NDRG4: variants seen among roughly 807,000 people sequenced by gnomAD.
The protein encoded by NDRG4 is NDRG family member 4, also known as protein NDRG4.
NDRG4 carries 38 observed loss-of-function variants against 55.8 expected under a neutral mutation model. The ratio of observed to expected loss-of-function variants is 0.68; its 90% CI spans 0.53 to 0.89. NDRG4 has a LOEUF of 0.89. Among genes scored for constraint, NDRG4 ranks in the 40% least tolerant of loss-of-function variants. NDRG4 has a pLI of 0.00. For missense variants in NDRG4, 455 were observed against 468.6 expected (o/e 0.97, Z 0.27); for synonymous variants, 190 against 182.7 (o/e 1.04, Z -0.32).
intron 13 of NDRG4, 61 bp downstream of exon 13, chr16:58,509,413 G>C: frequency 1.3e-6 from 2 of 1,574,650 alleles, no homozygotes; most frequent in Non-Finnish European, 1.7e-6. Context: ...CAGTGCTGGG[G>C]TTGGGGCTCC....
At chr16:58,468,867 T>C (rs2032247847) in intron 1 of NDRG4, among the ~76,000 whole-genome samples, 2 of 152,114 alleles carry the variant, frequency 1.3e-5, no homozygotes, top group South Asian at 4.1e-4. Flanking sequence ...GTGTGATATG[T>C]GAAAGTGGGA....
intron 1 of NDRG4, among the ~76,000 whole-genome samples, chr16:58,474,028 C>CTTTTT (rs1168834628): frequency 1.2e-4 from 12 of 101,170 alleles, no homozygotes; most frequent in Non-Finnish European, 1.5e-4. Flanking sequence ...TTTTCTTTCC[C>CTTTTT]TTTTTTTTTT....
intron 1 of NDRG4, among the ~76,000 whole-genome samples, chr16:58,480,762 A>G (rs2034289294): frequency 6.6e-6 from 1 of 152,150 alleles, no homozygotes; most frequent in African/African-American, 2.4e-5. Flanking sequence ...CAGTAGGGAG[A>G]TTAAACCACT....
At chr16:58,482,604 A>AT (rs545809105) in intron 1 of NDRG4, among the ~76,000 whole-genome samples, 10 of 150,906 alleles carry the variant, frequency 6.6e-5, no homozygotes, top group African/African-American at 2.0e-4. Flanking sequence ...ATGTATTTTC[A>AT]TTTTTTTTCT....
At chr16:58,514,923 T>C (rs1231280458), downstream of NDRG4, among the ~76,000 whole-genome samples, 1 of 152,120 alleles carries the variant, frequency 6.6e-6, no homozygotes, top group Non-Finnish European at 1.5e-5. Context: ...ATTTACCCAA[T>C]AGGTAGATAT....
chr16:58,501,726 A>C (rs992774863), intron 1 of NDRG4: 1 of 285,122 alleles, frequency 3.5e-6, no homozygotes, highest in Non-Finnish European at 7.2e-6. Context: ...CCATCCTGGG[A>C]GATGAGCCCT....
chr16:58,469,412 C>G (rs2151555619), intron 1 of NDRG4, among the ~76,000 whole-genome samples: 1 of 152,102 alleles, frequency 6.6e-6, no homozygotes, highest in South Asian at 2.1e-4. Context: ...TGCTGTTCCT[C>G]TGGGTAGAGG....
intron 2 of NDRG4, among the ~76,000 whole-genome samples, chr16:58,489,927 C>T (rs2035574058): frequency 1.3e-5 from 2 of 152,186 alleles, no homozygotes; most frequent in African/African-American, 2.4e-5. Flanking sequence ...CCACTGCAGC[C>T]TCAACTTCCT....
chr16:58,500,951 G>A (rs749676536), intron 1 of NDRG4: 242 of 1,209,540 alleles, frequency 2.0e-4, no homozygotes, highest in Non-Finnish European at 1.9e-4. Context: ...TGCTGGGGAG[G>A]AACGAGGAGG....
chr16:58,487,291 C>T (rs1024793510), intron 1 of NDRG4, among the ~76,000 whole-genome samples: 9 of 152,168 alleles, frequency 5.9e-5, no homozygotes, highest in African/African-American at 1.7e-4. Context: ...GAGACCAAGA[C>T]GGGTGGATCA....
chr16:58,505,419 C>CAA (rs374142391), intron 5 of NDRG4, among the ~76,000 whole-genome samples: 899 of 81,878 alleles, frequency 0.011, 6 homozygotes, highest in Admixed American at 0.021. Context: ...TAAAAACAAG[C>CAA]AAAAAAAAAA....
chr16:58,510,591 T>G (rs1259981557), intron 13 of NDRG4, 54 bp from the exon 14 acceptor site: 2 of 1,458,570 alleles, frequency 1.4e-6, no homozygotes, highest in Non-Finnish European at 1.9e-6. Flanking sequence ...CGCTCTTCAC[T>G]GTGTTGTGTC....
At chr16:58,497,668 A>C (rs1171047784), upstream of NDRG4, among the ~76,000 whole-genome samples, 12 of 152,330 alleles carry the variant, frequency 7.9e-5, no homozygotes, top group Non-Finnish European at 1.5e-5. Context: ...CACACAGCAA[A>C]GAAGTGGCAG....
chr16:58,507,873 C>T lies in NDRG4; in HGVS notation c.677+9C>T. 6.2e-7 allele frequency: 1 copy of T among 1,614,032 alleles called. No individual in the cohort carries two copies. The highest frequency in any genetic ancestry group is 8.5e-7 in the Non-Finnish European group (1 of 1,179,984). On this transcript the variant is annotated intron_variant, in intron 9 of 14. Transcript: ENST00000570248. ...AATGCCAAGACGCTCCGGTGAGTGG[C>T]CCCTGGCCCTCTGGCCTGCCCTGGC...
At position 58,464,824 on chromosome 16, in the gene NDRG4, C is replaced by A; in HGVS notation, c.-24+1027C>A. 1.6e-6 allele frequency: 2 copies of A among 1,251,368 alleles called. No individual in the cohort carries two copies. The highest frequency in any genetic ancestry group is 2.0e-6 in the Non-Finnish European group (2 of 992,200). The allele number at this position is 1,251,368 out of a possible 1,614,324, so 77.5% of individuals were successfully genotyped here. A position where few individuals can be genotyped will look rare whatever the true frequency, so the allele number is the denominator to read the frequency against. On this transcript the variant is annotated intron_variant, in intron 1 of 15. Coordinates refer to the NDRG4 transcript ENST00000258187. The surrounding 1 kb of genome is among the most constrained non-coding windows in gnomAD (Gnocchi z 4.8). ...AAGGACCCGTGGGCTTCTGGCAGGA[C>A]CCGCGCCATGGACCTCTTATTTCTG...
At position 58,464,598 on chromosome 16, in the gene NDRG4, T is replaced by G; in HGVS notation, c.-24+801T>G. On this transcript the variant is annotated intron_variant, in intron 1 of 15. Coordinates refer to the NDRG4 transcript ENST00000258187. This position sits in a 1 kb window ranked among gnomAD's most constrained non-coding sequence, Gnocchi z 4.8. ...GCGGACCCCAACTAAGTCCTAGTTTTGTGCTACCTGTTTGTGTGCGGAGCC... is the reference window on the plus strand; with the variant it reads ...GCGGACCCCAACTAAGTCCTAGTTTGGTGCTACCTGTTTGTGTGCGGAGCC... The G allele has an allele frequency of 1.0e-6, 1 of 984,320 alleles. No individual in the cohort carries two copies. Among genetic ancestry groups the G allele is most frequent in the Non-Finnish European group, 1.3e-6 (1 of 746,106 alleles). The allele number at this position is 984,320 out of a possible 1,614,324, so 61.0% of individuals were successfully genotyped here. A position where few individuals can be genotyped will look rare whatever the true frequency, so the allele number is the denominator to read the frequency against.
chr16:58,479,102 C>T (rs2034093924), intron 1 of NDRG4, among the ~76,000 whole-genome samples: 1 of 152,076 alleles, frequency 6.6e-6, no homozygotes, highest in African/African-American at 2.4e-5. Flanking sequence ...GATCTCGGCT[C>T]ACTGCAATCT....
Position 58,511,557 on chromosome 16 carries a change from C to A in NDRG4, c.1040C>A (p.Thr347Asn), listed in dbSNP as rs761224936. Residue 347 changes from threonine (T) to asparagine (N), a missense_variant, in exon 15 of 15, where the codon ACC becomes AAC. Physicochemically the swap from Thr to Asn is moderately conservative, Grantham distance 65. Transcript: ENST00000570248. ...SSEGLGQVNH[T>N]MEVSC ...GAGGGGCTGGGCCAGGTCAACCACA[C>A]CATGGAGGTGTCCTGTTGAAGCCCT... 1 of 1,613,070 alleles carries A rather than the reference C, an allele frequency of 6.2e-7. No individual in the cohort carries two copies. Among genetic ancestry groups the A allele is most frequent in the South Asian group, 1.1e-5 (1 of 91,088 alleles).
upstream of NDRG4, chr16:58,499,892 A>G (rs2036851367): frequency 2.4e-6 from 1 of 419,460 alleles, no homozygotes; most frequent in South Asian, 2.1e-5. Flanking sequence ...GCGTGTGCCT[A>G]TGTGCTGGGG....
Sources: gnomAD v4.1 joint callset for allele counts (sites outside exome capture counted in the v4.1 genomes callset) on GRCh38, gnomAD v4.1.1 for gene constraint, Gnocchi (gnomAD v3.1) non-coding constraint, MANE v1.5 for transcripts, NCBI Gene and HGNC (gene_info 2026-07-23, HGNC 2026-07-21) for gene names.